Variants in NELL1 observed in about 807,000 individuals in gnomAD.
The protein encoded by NELL1 is neural EGFL like 1.
In NELL1, 76 loss-of-function variants were observed where a neutral mutation model predicts 107.4. The observed-to-expected ratio is 0.71, with a 90% confidence interval of 0.59 to 0.86. The LOEUF (loss-of-function observed/expected upper bound fraction) is 0.86, where lower values mean the gene tolerates loss of function less well. NELL1 is among the 40% of genes least tolerant of loss of function. The pLI is 0.00. For missense variants in NELL1, 1,024 were observed against 1,005.5 expected (o/e 1.02, Z -0.25); for synonymous variants, 353 against 341.2 (o/e 1.03, Z -0.38).
At position 20,684,734 on chromosome 11, in the gene NELL1, A is replaced by G. The variant is rs115682646; in HGVS notation, c.184+6674A>G. 7.9e-3 allele frequency among the ~76,000 whole-genome samples: 1,204 copies of G among 152,148 alleles called. 12 individuals carry two copies. Among genetic ancestry groups the G allele is most frequent in the African/African-American group, 0.028 (1,146 of 41,516 alleles). Reference sequence around the variant, plus strand: ...GTTCTAGTAACTGGGACACAATTCAATTCTTTTAGATCCTACTTTAAAGGT... The same window carrying G: ...GTTCTAGTAACTGGGACACAATTCAGTTCTTTTAGATCCTACTTTAAAGGT... On this transcript the variant is annotated intron_variant, in intron 2 of 19. Transcript: ENST00000357134.
intron 2 of NELL1, among the ~76,000 whole-genome samples, chr11:20,704,934 A>G (rs954944715): frequency 6.6e-6 from 1 of 152,226 alleles, no homozygotes; most frequent in African/African-American, 2.4e-5. Flanking sequence ...AGAATAAAAT[A>G]CCTAGGAATC....
At chr11:21,454,219 A>G (rs943505777) in intron 15 of NELL1, among the ~76,000 whole-genome samples, 34 of 148,290 alleles carry the variant, frequency 2.3e-4, no homozygotes, top group Non-Finnish European at 4.0e-4. Context: ...GAGAATGATG[A>G]TTTCCAATTT....
chr11:21,440,268 C>G (rs191242369), intron 15 of NELL1, among the ~76,000 whole-genome samples: 2 of 151,242 alleles, frequency 1.3e-5, no homozygotes, highest in Non-Finnish European at 2.9e-5. Context: ...CATCAGCCTA[C>G]TTTCTGTCTT....
intron 15 of NELL1, among the ~76,000 whole-genome samples, chr11:21,505,794 G>A (rs922613671): frequency 2.0e-5 from 3 of 152,096 alleles, no homozygotes; most frequent in African/African-American, 7.2e-5. Flanking sequence ...GAATATTGTT[G>A]TAATTATTTG....
chr11:21,327,929 G>T (rs1438086426), intron 14 of NELL1, among the ~76,000 whole-genome samples: 4 of 152,102 alleles, frequency 2.6e-5, no homozygotes, highest in Non-Finnish European at 5.9e-5. Flanking sequence ...GGTATCTGGG[G>T]AAGAAATTTC....
chr11:21,312,234 G>A (rs1849764714), intron 14 of NELL1, among the ~76,000 whole-genome samples: 1 of 152,148 alleles, frequency 6.6e-6, no homozygotes, highest in Admixed American at 6.6e-5. Flanking sequence ...CACAACTAAT[G>A]AGAGTTAGAG....
chr11:21,505,131 C>T (rs1024995128), intron 15 of NELL1, among the ~76,000 whole-genome samples: 2 of 152,164 alleles, frequency 1.3e-5, no homozygotes, highest in African/African-American at 4.8e-5. Flanking sequence ...AAAAGCCATG[C>T]TGCTACCACA....
At chr11:21,313,114 C>G (rs1358123466) in intron 14 of NELL1, among the ~76,000 whole-genome samples, 2 of 151,812 alleles carry the variant, frequency 1.3e-5, no homozygotes, top group Non-Finnish European at 2.9e-5. Context: ...AGACAGATCC[C>G]TTGTCAGCTG....
chr11:21,136,438 A>G (rs971579706), intron 13 of NELL1, among the ~76,000 whole-genome samples: 6 of 152,228 alleles, frequency 3.9e-5, no homozygotes, highest in Admixed American at 3.9e-4. Flanking sequence ...GATAGTCACT[A>G]TTGGTGACAT....
intron 12 of NELL1, among the ~76,000 whole-genome samples, chr11:21,111,590 G>A (rs1042751620): frequency 3.9e-4 from 59 of 152,022 alleles, no homozygotes; most frequent in Admixed American, 3.7e-3. Flanking sequence ...TCACTTGGGG[G>A]CCCAGGTTGA....
At chr11:21,019,201 C>T (rs1422448886) in intron 12 of NELL1, among the ~76,000 whole-genome samples, 1 of 152,010 alleles carries the variant, frequency 6.6e-6, no homozygotes, top group African/African-American at 2.4e-5. Context: ...CTTCTTACCT[C>T]CTAGGGTGTG....
At chr11:21,489,379 T>TAAAAAA (rs1564920374) in intron 15 of NELL1, among the ~76,000 whole-genome samples, 1 of 15,814 alleles carries the variant, frequency 6.3e-5, no homozygotes, top group African/African-American at 3.0e-4. Context: ...TGAAAGTATT[T>TAAAAAA]CAAAAAAAAA....
At chr11:21,176,019 C>A (rs1280657346) in intron 13 of NELL1, among the ~76,000 whole-genome samples, 1 of 151,772 alleles carries the variant, frequency 6.6e-6, no homozygotes, top group East Asian at 1.9e-4. Flanking sequence ...AAAAGTCCTT[C>A]TTTTCCCCTA....
At chr11:20,873,767 CTTTT>C (rs34217570) in intron 4 of NELL1, among the ~76,000 whole-genome samples, 2 of 135,722 alleles carry the variant, frequency 1.5e-5, no homozygotes, top group Non-Finnish European at 1.6e-5. Context: ...GAATATTTGA[CTTTT>C]TTTTTTTTTT....
chr11:20,987,936 C>T (rs150878708), intron 12 of NELL1, among the ~76,000 whole-genome samples: 16 of 152,138 alleles, frequency 1.1e-4, no homozygotes, highest in African/African-American at 2.9e-4. Flanking sequence ...TTCTTAAAAC[C>T]GTGATATATT....
chr11:21,261,823 A>G (rs937617061), intron 14 of NELL1, among the ~76,000 whole-genome samples: 5 of 151,908 alleles, frequency 3.3e-5, no homozygotes, highest in Admixed American at 3.3e-4. Context: ...TCCCTTGGAA[A>G]CAGTTCCCTA....
chr11:20,961,875 C>T (rs1851298338), intron 12 of NELL1, among the ~76,000 whole-genome samples: 1 of 152,070 alleles, frequency 6.6e-6, no homozygotes, highest in African/African-American at 2.4e-5. Context: ...TTAATCCCTG[C>T]TTAACTTTTT....
intron 2 of NELL1, among the ~76,000 whole-genome samples, chr11:20,689,348 A>G (rs927154756): frequency 6.6e-6 from 1 of 151,564 alleles, no homozygotes; most frequent in African/African-American, 2.4e-5. Flanking sequence ...GGTTAGTTAC[A>G]TAGGTATACA....
At chr11:20,671,217 G>T (rs1039180803) in intron 1 of NELL1, 7 of 152,326 alleles carry the variant, frequency 4.6e-5, no homozygotes, top group African/African-American at 1.7e-4. Flanking sequence ...GGCCCATCCG[G>T]ATGGGTTAGT....
Sources: gnomAD v4.1 joint callset for allele counts (sites outside exome capture counted in the v4.1 genomes callset) on GRCh38, gnomAD v4.1.1 for gene constraint, MANE v1.5 for transcripts, NCBI Gene and HGNC (gene_info 2026-07-23, HGNC 2026-07-21) for gene names.